The following PRKD2 variants were observed in gnomAD, a reference collection of about 807,000 sequenced individuals.
The protein encoded by PRKD2 is protein kinase D2.
PRKD2 carries 22 observed loss-of-function variants against 86.0 expected under a neutral mutation model. The observed-to-expected ratio is 0.26, with a 90% CI of 0.18 to 0.37. PRKD2 has a LOEUF of 0.37. Among genes scored for constraint, PRKD2 ranks in the 10% least tolerant of loss-of-function variants. The probability of loss-of-function intolerance (pLI) is 1.00; values close to 1 mark genes in which losing one functional copy is unlikely to be tolerated. For synonymous variants in PRKD2, 509 were observed against 510.9 expected (o/e 1.00, Z 0.05); for missense variants, 818 against 1,199.2 (o/e 0.68, Z 4.70).
intron 14 of PRKD2, chr19:46,688,928 C>G (rs377598994): frequency 6.6e-6 from 1 of 152,108 alleles, no homozygotes; most frequent in African/African-American, 2.4e-5. Flanking sequence ...ACCTGGTGGT[C>G]CCCCACTCCT....
chr19:46,713,419 C>G (rs2053836978), intron 2 of PRKD2, among the ~76,000 whole-genome samples: 1 of 151,984 alleles, frequency 6.6e-6, no homozygotes, highest in Non-Finnish European at 1.5e-5. Flanking sequence ...CTGCACTTGA[C>G]TAGTTTTATA....
intron 14 of PRKD2, among the ~76,000 whole-genome samples, chr19:46,681,985 C>A (rs895164853): frequency 6.6e-6 from 1 of 151,762 alleles, no homozygotes; most frequent in Non-Finnish European, 1.5e-5. Flanking sequence ...GGACTACAGG[C>A]GTGCACCACC....
In PRKD2 at chr19:46,691,950, G is replaced by C; in HGVS notation, c.1612C>G (p.Gln538Glu). The change falls in exon 11 of 18, where the codon CAG (glutamine) becomes GAG (glutamate). Residue 538 changes from glutamine (Q) to glutamate (E), a missense_variant. Coordinates refer to ENST00000291281, the MANE Select transcript of PRKD2 (RefSeq NM_016457.5). Reference protein sequence around the residue: ...ASLSISVSNSQIQENVDIATV... With the variant: ...ASLSISVSNSEIQENVDIATV... ...AGTCTCACCACATTCTCTTGGATCT[G>C]ACTGTTGGACACAGAGATGCTCAGA... 6.2e-7 allele frequency: 1 copy of C among 1,614,078 alleles called. No homozygotes were observed. Among genetic ancestry groups the C allele is most frequent in the Non-Finnish European group, 8.5e-7 (1 of 1,179,972 alleles).
chr19:46,678,223 T>C lies in PRKD2; in HGVS notation c.2338+173A>G. ...TAGGCCTGAGTCCCAGCCCATCTTT[T>C]ACAGGACGGCTCCTCCTGTAGCCAC... On this transcript the variant is annotated intron_variant, in intron 16 of 17. Coordinates refer to ENST00000291281, the MANE Select transcript of PRKD2 (RefSeq NM_016457.5). The surrounding 1 kb of genome is among the most constrained non-coding windows in gnomAD (Gnocchi z 5.7). The C allele has an allele frequency of 9.5e-7, 1 of 1,055,162 alleles. No individual in the cohort carries two copies. Among genetic ancestry groups the C allele is most frequent in the South Asian group, 1.6e-5 (1 of 60,818 alleles). The allele number at this position is 1,055,162 out of a possible 1,614,324, so 65.4% of individuals were successfully genotyped here.
At chr19:46,702,626 G>C (rs927626033) in intron 5 of PRKD2, among the ~76,000 whole-genome samples, 3 of 151,844 alleles carry the variant, frequency 2.0e-5, no homozygotes, top group Admixed American at 6.6e-5. Context: ...GATTGTTCCA[G>C]TAAATTCTTG....
intron 14 of PRKD2, chr19:46,689,116 CTT>C (rs58378541): frequency 0.028 from 3,047 of 109,808 alleles, 72 homozygotes; most frequent in African/African-American, 0.098. Context: ...ATTATGGTTC[CTT>C]TTTTTTTTTT....
At chr19:46,686,340 A>G (rs1039869320) in intron 14 of PRKD2, among the ~76,000 whole-genome samples, 1 of 151,870 alleles carries the variant, frequency 6.6e-6, no homozygotes, top group Non-Finnish European at 1.5e-5. Flanking sequence ...CTACAAAAAC[A>G]TAAAAAAAAA....
intron 3 of PRKD2, among the ~76,000 whole-genome samples, chr19:46,708,888 G>T (rs2053757246): frequency 6.6e-6 from 1 of 151,430 alleles, no homozygotes; most frequent in Non-Finnish European, 1.5e-5. Flanking sequence ...TGATAGTCAT[G>T]TTAATGTGTC....
At chr19:46,711,336 G>A (rs912404577) in intron 2 of PRKD2, among the ~76,000 whole-genome samples, 2 of 152,246 alleles carry the variant, frequency 1.3e-5, no homozygotes, top group African/African-American at 2.4e-5. Flanking sequence ...CTGCACAACA[G>A]TGTGCGTGAA....
At chr19:46,676,227 G>C (rs1240253373) in intron 16 of PRKD2, among the ~76,000 whole-genome samples, 1 of 151,958 alleles carries the variant, frequency 6.6e-6, no homozygotes, top group African/African-American at 2.4e-5. Context: ...TCAGGAGTTC[G>C]AGACAAGCCT....
intron 3 of PRKD2, 83 bp downstream of exon 3, chr19:46,710,824 C>T: frequency 7.1e-7 from 1 of 1,400,684 alleles, no homozygotes; most frequent in Non-Finnish European, 9.5e-7. Context: ...CCTCCCCACG[C>T]TGTCCCCGTG....
chr19:46,710,629 T>C, intron 3 of PRKD2: 1 of 397,114 alleles, frequency 2.5e-6, no homozygotes, highest in Non-Finnish European at 4.6e-6. Context: ...CCGCCACCCT[T>C]CTGCTCCCCT....
chr19:46,698,107 T>G (rs901989574), intron 7 of PRKD2, among the ~76,000 whole-genome samples: 15 of 152,088 alleles, frequency 9.9e-5, no homozygotes, highest in African/African-American at 3.6e-4. Flanking sequence ...GTTCAAGCGA[T>G]TCTCGTGCCT....
Position 46,701,104 on chromosome 19 carries a change from A to G in PRKD2, c.898T>C (p.Phe300Leu), listed in dbSNP as rs1227922216. The G allele has an allele frequency of 6.2e-7, 1 of 1,614,096 alleles. No homozygotes were observed. The highest frequency in any genetic ancestry group is 1.7e-5 in the Admixed American group (1 of 60,004). The change falls in exon 6 of 18, where the codon TTT becomes CTT. Residue 300 changes from phenylalanine (F) to leucine (L), a missense_variant. By Grantham distance (22) the Phe-to-Leu change is conservative. Transcript: ENST00000291281. ...GTGGCGCAGCGTTTGTGACAGTTAA[A>G]CTTGCAGTCTGGTAGGACAGGGAAC... ...RQGLQCKDCK[F>L]NCHKRCATRV... is the part of the protein sequence containing the mutation.
At chr19:46,697,584 T>C in intron 8 of PRKD2, 149 bp downstream of exon 8, 1 of 698,750 alleles carries the variant, frequency 1.4e-6, no homozygotes, top group Non-Finnish European at 2.4e-6. Flanking sequence ...CACTTCTAAT[T>C]CTAGCCCCGC....
intron 14 of PRKD2, among the ~76,000 whole-genome samples, 181 bp downstream of exon 14, chr19:46,689,356 C>T (rs1411808861): frequency 1.3e-5 from 2 of 152,004 alleles, no homozygotes; most frequent in African/African-American, 2.4e-5. Context: ...CTCCTGACCT[C>T]GTGGGCCTCC....
intron 9 of PRKD2, 41 bp from the exon 10 acceptor site, chr19:46,694,174 G>T: frequency 6.2e-7 from 1 of 1,601,120 alleles, no homozygotes; most frequent in South Asian, 1.1e-5. Flanking sequence ...ATGCCAGGCA[G>T]ACCTTGGAAT....
intron 12 of PRKD2, 103 bp downstream of exon 12, chr19:46,691,632 A>C: frequency 8.7e-7 from 1 of 1,150,528 alleles, no homozygotes; most frequent in Admixed American, 1.7e-5. Flanking sequence ...TGAGCATGTG[A>C]CCAATCAGAA....
At chr19:46,713,605 C>T (rs1466513941) in intron 2 of PRKD2, among the ~76,000 whole-genome samples, 2 of 151,784 alleles carry the variant, frequency 1.3e-5, no homozygotes, top group African/African-American at 2.4e-5. Context: ...CCAGAAGCCC[C>T]CAACTCTCCT....
Sources: gnomAD v4.1 joint callset for allele counts (sites outside exome capture counted in the v4.1 genomes callset) on GRCh38, gnomAD v4.1.1 for gene constraint, Gnocchi (gnomAD v3.1) non-coding constraint, MANE v1.5 for transcripts, NCBI Gene and HGNC (gene_info 2026-07-23, HGNC 2026-07-21) for gene names.